Variants in CDH13 observed in about 807,000 individuals in gnomAD.
CDH13 encodes the protein cadherin-13.
A neutral mutation model predicts 63.8 loss-of-function variants in CDH13; 24 were observed. The ratio of observed to expected loss-of-function variants is 0.38; its 90% CI spans 0.27 to 0.53. The LOEUF (loss-of-function observed/expected upper bound fraction) is 0.53. Among genes scored for constraint, CDH13 ranks in the 20% least tolerant of loss-of-function variants. The probability of loss-of-function intolerance (pLI) is 0.85; values close to 1 mark genes in which losing one functional copy is unlikely to be tolerated. For synonymous variants in CDH13, 503 were observed against 355.3 expected (o/e 1.42, Z -4.67); for missense variants, 1,049 against 903.1 (o/e 1.16, Z -2.07).
At chr16:82,883,892 G>T (rs2040790805) in intron 2 of CDH13, among the ~76,000 whole-genome samples, 1 of 152,170 alleles carries the variant, frequency 6.6e-6, no homozygotes, top group Non-Finnish European at 1.5e-5. Flanking sequence ...GAGCCCAGCT[G>T]CTTGGATGCA....
chr16:83,152,421 T>C (rs2151696844), intron 4 of CDH13, among the ~76,000 whole-genome samples: 1 of 152,360 alleles, frequency 6.6e-6, no homozygotes, highest in South Asian at 2.1e-4. Context: ...TATTATAGCA[T>C]TGTTCTAGTT....
At chr16:82,923,995 C>T (rs553474129) in intron 2 of CDH13, among the ~76,000 whole-genome samples, 1 of 152,182 alleles carries the variant, frequency 6.6e-6, no homozygotes, top group Non-Finnish European at 1.5e-5. Flanking sequence ...ATGTTTGTAA[C>T]AATTGGCTTC....
chr16:83,510,873 T>A (rs2074540565), intron 7 of CDH13, among the ~76,000 whole-genome samples: 1 of 152,234 alleles, frequency 6.6e-6, no homozygotes, highest in Admixed American at 6.5e-5. Flanking sequence ...ATCAGTAATG[T>A]AGGTCAGTGC....
chr16:83,073,803 T>C (rs893482460), intron 3 of CDH13, among the ~76,000 whole-genome samples: 5 of 152,096 alleles, frequency 3.3e-5, no homozygotes, highest in African/African-American at 1.2e-4. Flanking sequence ...ATATATATAA[T>C]ATACAGTACA....
chr16:82,907,416 G>A (rs2041685835), intron 2 of CDH13, among the ~76,000 whole-genome samples: 1 of 152,076 alleles, frequency 6.6e-6, no homozygotes. Flanking sequence ...ACTGTTTAGG[G>A]AGATATAGTG....
chr16:83,624,359 C>T (rs1369973101), intron 8 of CDH13, among the ~76,000 whole-genome samples: 1 of 144,844 alleles, frequency 6.9e-6, no homozygotes, highest in Non-Finnish European at 1.5e-5. Flanking sequence ...TGCCCCAGGT[C>T]AGCAGTCCCC....
rs772106202 is a variant in CDH13 at position 82,851,443 on chromosome 16, AATAAAAAG to A, written c.46-6917_46-6910del. The stretch of plus-strand genomic sequence containing the variant: ...GAGTGAGATTTCGTCTCAAAAAAAA[AATAAAAAG>A]AAAAAGAAAAAGAAAAAAGAAAGCA... On this transcript the variant is annotated intron_variant, in intron 1 of 13. Coordinates refer to ENST00000567109, the MANE Select transcript of CDH13 (RefSeq NM_001257.5). Among the ~76,000 whole-genome samples the A allele has an allele frequency of 1.8e-4, 4 of 22,006 alleles. 1 individual carries two copies. Among genetic ancestry groups the A allele is most frequent in the Non-Finnish European group, 3.6e-4 (3 of 8,288 alleles). The allele number at this position is 22,006 out of a possible 152,430, so 14.4% of individuals were successfully genotyped here.
intron 2 of CDH13, among the ~76,000 whole-genome samples, chr16:82,869,113 C>A (rs1014543631): frequency 6.6e-6 from 1 of 152,312 alleles, no homozygotes; most frequent in African/African-American, 2.4e-5. Context: ...GTGGCGCAAT[C>A]TCAACTCACT....
chr16:83,234,325 G>C (rs977721157), intron 5 of CDH13, among the ~76,000 whole-genome samples: 4 of 152,288 alleles, frequency 2.6e-5, no homozygotes, highest in African/African-American at 7.2e-5. Flanking sequence ...TTTTATTCCT[G>C]TTTGGCACAG....
chr16:83,404,019 T>C (rs1323553172), intron 6 of CDH13, among the ~76,000 whole-genome samples: 1 of 152,230 alleles, frequency 6.6e-6, no homozygotes, highest in Admixed American at 6.5e-5. Context: ...TTTCTTTTTT[T>C]CCAGTGTCTC....
At chr16:83,003,180 C>G (rs1315221507) in intron 2 of CDH13, among the ~76,000 whole-genome samples, 1 of 152,118 alleles carries the variant, frequency 6.6e-6, no homozygotes, top group Non-Finnish European at 1.5e-5. Flanking sequence ...TCCCATATGA[C>G]AGTCTTGATA....
At chr16:83,035,500 T>G (rs1370485222) in intron 3 of CDH13, among the ~76,000 whole-genome samples, 1 of 152,044 alleles carries the variant, frequency 6.6e-6, no homozygotes, top group Non-Finnish European at 1.5e-5. Flanking sequence ...CATAGTGAGT[T>G]TTTACTGATT....
chr16:83,149,267 G>A (rs1371225477), intron 4 of CDH13, among the ~76,000 whole-genome samples: 1 of 152,190 alleles, frequency 6.6e-6, no homozygotes, highest in African/African-American at 2.4e-5. Flanking sequence ...CTGCTCTAAG[G>A]TTATTCCATT....
At chr16:83,075,710 T>C (rs1282428459) in intron 3 of CDH13, among the ~76,000 whole-genome samples, 5 of 152,210 alleles carry the variant, frequency 3.3e-5, no homozygotes, top group Non-Finnish European at 7.4e-5. Context: ...TTGTTTGAGT[T>C]TTCCAATAGA....
At chr16:83,228,624 C>A (rs897877369) in intron 5 of CDH13, among the ~76,000 whole-genome samples, 2 of 152,078 alleles carry the variant, frequency 1.3e-5, no homozygotes, top group African/African-American at 2.4e-5. Context: ...GCGGACGGGG[C>A]AGGAAGGGTT....
At position 82,777,226 on chromosome 16, in the gene CDH13, T is replaced by C. The variant is rs1299299260; in HGVS notation, c.46-81136T>C. Among the ~76,000 whole-genome samples the C allele has an allele frequency of 2.6e-5, 4 of 152,146 alleles. No individual in the cohort carries two copies. In the East Asian group the frequency reaches 7.7e-4, roughly 29 times the overall value. On this transcript the variant is annotated intron_variant, in intron 1 of 13. Coordinates refer to ENST00000567109, the MANE Select transcript of CDH13 (RefSeq NM_001257.5). ...TCAAGCAATCCTCTCGCCTCCACTT[T>C]CCAAAGTGCTAGGATTACAGGCACG...
At chr16:83,064,669 C>G (rs1294152977) in intron 3 of CDH13, among the ~76,000 whole-genome samples, 1 of 152,004 alleles carries the variant, frequency 6.6e-6, no homozygotes. Flanking sequence ...TCAGACTAGC[C>G]AATTTCTTTT....
At chr16:83,774,788 G>A (rs1236516815) in intron 11 of CDH13, among the ~76,000 whole-genome samples, 2 of 152,240 alleles carry the variant, frequency 1.3e-5, no homozygotes, top group African/African-American at 4.8e-5. Flanking sequence ...AGGGGAAGGG[G>A]AATGGGGACT....
intron 11 of CDH13, among the ~76,000 whole-genome samples, chr16:83,775,964 G>C (rs1915082583): frequency 6.6e-6 from 1 of 152,054 alleles, no homozygotes; most frequent in South Asian, 2.1e-4. Flanking sequence ...GGCTTGTGAG[G>C]AATTTTGAAA....
Sources: allele counts gnomAD v4.1 joint callset (sites outside exome capture counted in the v4.1 genomes callset), GRCh38; gene constraint gnomAD v4.1.1; transcripts MANE v1.5; gene names NCBI Gene and HGNC (gene_info 2026-07-23, HGNC 2026-07-21).